The following DHRSX variants were observed in gnomAD, a reference collection of about 807,000 sequenced individuals.
DHRSX encodes dehydrogenase/reductase X-linked.
Under a neutral mutation model 34.0 loss-of-function variants are expected in DHRSX, and 31 were observed. The observed-to-expected ratio is 0.91, with a 90% CI of 0.69 to 1.23. The LOEUF (loss-of-function observed/expected upper bound fraction) is 1.23, where lower values mean the gene tolerates loss of function less well. Among genes scored for constraint, DHRSX ranks in the 50% most tolerant of loss-of-function variants. The probability of loss-of-function intolerance (pLI) is 0.00; values close to 1 mark genes in which losing one functional copy is unlikely to be tolerated. For synonymous variants in DHRSX, 201 were observed against 183.8 expected (o/e 1.09, Z -0.76); for missense variants, 414 against 428.1 (o/e 0.97, Z 0.29).
intron 1 of DHRSX, among the ~76,000 whole-genome samples, chrX:2,425,825 G>A (rs1046793262): frequency 6.6e-5 from 10 of 152,260 alleles, no homozygotes; most frequent in East Asian, 3.9e-4. Flanking sequence ...ACACAGGGGC[G>A]CACCAAGTTT....
intron 2 of DHRSX, among the ~76,000 whole-genome samples, chrX:2,416,513 A>T (rs1208073467): frequency 1.3e-5 from 2 of 152,192 alleles, no homozygotes; most frequent in Non-Finnish European, 2.9e-5. Context: ...AAAGTTTTAC[A>T]GCAACATAGA....
At chrX:2,272,985 C>G (rs961081084) in intron 4 of DHRSX, among the ~76,000 whole-genome samples, 1 of 152,172 alleles carries the variant, frequency 6.6e-6, no homozygotes, top group Non-Finnish European at 1.5e-5. Flanking sequence ...CAAAAAGACA[C>G]CTGCAGGCCA....
chrX:2,240,639 A>T (rs1250753971), intron 6 of DHRSX, among the ~76,000 whole-genome samples: 1 of 151,970 alleles, frequency 6.6e-6, no homozygotes, highest in East Asian at 1.9e-4. Flanking sequence ...TTGAAAGCTG[A>T]GTTAGAATCG....
intron 5 of DHRSX, chrX:2,261,635 G>A (rs911473082): frequency 6.6e-6 from 1 of 152,032 alleles, no homozygotes; most frequent in African/African-American, 2.4e-5. Flanking sequence ...AACTGGACGT[G>A]GTGGCGGGTG....
rs1158582752 is a variant in DHRSX at position 2,443,048 on chromosome X, G to A, written c.110-17744C>T. On this transcript the variant is annotated intron_variant, in intron 1 of 6. Transcript: ENST00000334651. The stretch of plus-strand genomic sequence containing the variant: ...TCATTTTACTTTTTATTTGTGTTTC[G>A]TAGAGACAGGGTCTGGCTCTGTCAC... Among the ~76,000 whole-genome samples, 16 of 152,000 alleles carry A rather than the reference G, an allele frequency of 1.1e-4. No homozygotes were observed. In the South Asian group the frequency reaches 2.7e-3, roughly 26 times the overall value.
At chrX:2,473,458 T>C (rs1181530179) in intron 1 of DHRSX, among the ~76,000 whole-genome samples, 1 of 151,960 alleles carries the variant, frequency 6.6e-6, no homozygotes, top group Admixed American at 6.6e-5. Context: ...AACCCATCTC[T>C]ACTAAAAATA....
chrX:2,244,690 T>C (rs2016236135), intron 5 of DHRSX, among the ~76,000 whole-genome samples: 1 of 151,068 alleles, frequency 6.6e-6, no homozygotes, highest in African/African-American at 2.4e-5. Context: ...CTTTTATATA[T>C]ATATATATTT....
At chrX:2,448,477 C>CA (rs1233255860) in intron 1 of DHRSX, among the ~76,000 whole-genome samples, 4 of 149,388 alleles carry the variant, frequency 2.7e-5, no homozygotes, top group Admixed American at 1.3e-4. Context: ...ATTCTGACCA[C>CA]AAAAAAAAGT....
intron 1 of DHRSX, among the ~76,000 whole-genome samples, chrX:2,436,659 G>GA (rs1569501102): frequency 6.8e-6 from 1 of 146,460 alleles, no homozygotes; most frequent in Non-Finnish European, 1.5e-5. Flanking sequence ...ACATCTGCCA[G>GA]TTTTTTTTTT....
Position 2,240,278 on chromosome X carries a change from C to T in DHRSX, c.804+2745G>A, listed in dbSNP as rs182509001. On this transcript the variant is annotated intron_variant, in intron 6 of 6. Coordinates refer to ENST00000334651, the MANE Select transcript of DHRSX (RefSeq NM_145177.3). The stretch of plus-strand genomic sequence containing the variant: ...AGTGCACTGCAGCCTGGTGACAGAG[C>T]GAGACTCTATCTCAAAAAAAAAAAG... Among the ~76,000 whole-genome samples, 4 of 144,140 alleles carry T rather than the reference C, an allele frequency of 2.8e-5. No homozygotes were observed. The East Asian group carries it at 6.2e-4, about 22-fold the overall frequency. The allele number at this position is 144,140 out of a possible 152,430, so 94.6% of individuals were successfully genotyped here.
At chrX:2,312,598 G>A (rs2042176725) in intron 3 of DHRSX, among the ~76,000 whole-genome samples, 1 of 152,002 alleles carries the variant, frequency 6.6e-6, no homozygotes, top group African/African-American at 2.4e-5. Flanking sequence ...AGGGGAGGGA[G>A]AGCATTAGGA....
intron 3 of DHRSX, among the ~76,000 whole-genome samples, chrX:2,389,147 C>T (rs1175522479): frequency 1.3e-5 from 2 of 152,192 alleles, no homozygotes; most frequent in Non-Finnish European, 2.9e-5. Flanking sequence ...CTGGCAGTCA[C>T]GCTTCTGCCA....
chrX:2,450,255 G>GT lies in DHRSX; in HGVS notation c.110-24952dup, dbSNP rs1437202289. Among the ~76,000 whole-genome samples the GT allele has an allele frequency of 2.6e-5, 4 of 152,146 alleles. No individual in the cohort carries two copies. The South Asian group carries it at 6.2e-4, about 24-fold the overall frequency. ...AAGAACAGTGTTTATGTTTATAAAT[G>GT]TTTTTTCTGAATTTCTCAATGCTTA... On this transcript the variant is annotated intron_variant, in intron 1 of 6. Transcript: ENST00000334651.
chrX:2,490,731 C>A, intron 1 of DHRSX: 1 of 1,606,618 alleles, frequency 6.2e-7, no homozygotes, highest in Non-Finnish European at 8.5e-7. Flanking sequence ...GCTTCTCCAC[C>A]GGAGCCTGCC....
chrX:2,319,619 C>T (rs1189878219), intron 3 of DHRSX, among the ~76,000 whole-genome samples: 10 of 148,656 alleles, frequency 6.7e-5, no homozygotes, highest in East Asian at 6.0e-4. Context: ...AATATTTTCT[C>T]TTCTCTTCCT....
intron 6 of DHRSX, among the ~76,000 whole-genome samples, chrX:2,225,433 T>C (rs2015635347): frequency 6.6e-6 from 1 of 152,192 alleles, no homozygotes; most frequent in African/African-American, 2.4e-5. Context: ...TTCACATGCA[T>C]ACTTATACAC....
intron 1 of DHRSX, among the ~76,000 whole-genome samples, chrX:2,454,616 C>A (rs1270479655): frequency 6.6e-6 from 1 of 151,932 alleles, no homozygotes; most frequent in African/African-American, 2.4e-5. Flanking sequence ...CAAAAATTCC[C>A]AATTCTATTA....
At chrX:2,272,700 G>A (rs1450768767) in intron 4 of DHRSX, among the ~76,000 whole-genome samples, 1 of 152,084 alleles carries the variant, frequency 6.6e-6, no homozygotes, top group African/African-American at 2.4e-5. Context: ...CTAAGCCCAG[G>A]TGACAGGCTG....
chrX:2,231,633 C>T (rs2015884697), intron 6 of DHRSX, among the ~76,000 whole-genome samples: 1 of 144,792 alleles, frequency 6.9e-6, no homozygotes. Flanking sequence ...TCTCTTTCTC[C>T]CTTTCTCTTC....
Sources: gnomAD v4.1 joint callset for allele counts (sites outside exome capture counted in the v4.1 genomes callset) on GRCh38, gnomAD v4.1.1 for gene constraint, MANE v1.5 for transcripts, NCBI Gene and HGNC (gene_info 2026-07-23, HGNC 2026-07-21) for gene names.